The following BICRA variants were observed in gnomAD, a reference collection of about 807,000 sequenced individuals.
The protein encoded by BICRA is BRD4-interacting chromatin-remodeling complex-associated protein.
In BICRA, 31 loss-of-function variants were observed where a neutral mutation model predicts 96.9. The observed-to-expected ratio is 0.32, with a 90% CI of 0.24 to 0.43. The LOEUF (loss-of-function observed/expected upper bound fraction) is 0.43. Ranked by LOEUF, BICRA falls within the 20% of genes least tolerant of loss-of-function variation. The probability of loss-of-function intolerance (pLI) is 1.00; values close to 1 mark genes in which losing one functional copy is unlikely to be tolerated. For missense variants in BICRA, 2,283 were observed against 2,190.3 expected (o/e 1.04, Z -0.84); for synonymous variants, 1,350 against 1,071.8 (o/e 1.26, Z -5.07).
chr19:47,680,279 C>T lies in BICRA; in HGVS notation c.1109C>T (p.Pro370Leu). The change falls in exon 6 of 15, where the codon CCG becomes CTG. Residue 370 changes from proline to leucine, a missense_variant. Transcript: ENST00000594866. ...PPKLYQLTPK[P>L]FAPAGATLTI... ...AAGCTCTACCAGCTGACGCCCAAGC[C>T]GTTTGCGCCCGCGGGCGCCACGCTC... The T allele has an allele frequency of 1.9e-6, 3 of 1,559,058 alleles. No homozygotes were observed. Among genetic ancestry groups the T allele is most frequent in the Non-Finnish European group, 2.6e-6 (3 of 1,161,326 alleles).
At position 47,699,118 on chromosome 19, in the gene BICRA, T is replaced by G; in HGVS notation, c.3492+59T>G. ...TCCTCCTCGCTGGGACACTGCCCCTTTCCCTCACCCGCTCTGGGCAAGGTG... is the reference window on the plus strand; with the variant it reads ...TCCTCCTCGCTGGGACACTGCCCCTGTCCCTCACCCGCTCTGGGCAAGGTG... On this transcript the variant is annotated intron_variant, in intron 13 of 14. Coordinates refer to ENST00000594866, the MANE Select transcript of BICRA (RefSeq NM_001394372.1). The surrounding 1 kb of genome is among the most constrained non-coding windows in gnomAD (Gnocchi z 5.0). 1.6e-6 allele frequency: 2 copies of G among 1,216,426 alleles called. No individual in the cohort carries two copies. The highest frequency in any genetic ancestry group is 2.4e-6 in the Non-Finnish European group (2 of 846,104). The allele number at this position is 1,216,426 out of a possible 1,614,324, so 75.4% of individuals were successfully genotyped here. A position where few individuals can be genotyped will look rare whatever the true frequency, so the allele number is the denominator to read the frequency against.
chr19:47,685,369 G>A (rs1307720990), intron 7 of BICRA, among the ~76,000 whole-genome samples: 2 of 152,270 alleles, frequency 1.3e-5, no homozygotes, highest in African/African-American at 4.8e-5. Flanking sequence ...ACAGAGGCTC[G>A]GAGGCACAAG....
intron 1 of BICRA, among the ~76,000 whole-genome samples, chr19:47,642,960 G>T (rs1391536729): frequency 1.3e-5 from 2 of 152,156 alleles, no homozygotes; most frequent in Non-Finnish European, 2.9e-5. Flanking sequence ...ACCTTCTTTT[G>T]CTCATTTTAA....
intron 5 of BICRA, among the ~76,000 whole-genome samples, chr19:47,677,267 G>A (rs1477959444): frequency 6.6e-6 from 1 of 152,214 alleles, no homozygotes; most frequent in Non-Finnish European, 1.5e-5. Context: ...AGATTTTGAT[G>A]GGTTATCTGG....
chr19:47,653,275 G>A (rs928073776), intron 1 of BICRA, among the ~76,000 whole-genome samples: 1 of 151,230 alleles, frequency 6.6e-6, no homozygotes, highest in African/African-American at 2.4e-5. Flanking sequence ...CGCCTGCCTC[G>A]GCCTCCCAAA....
At chr19:47,679,044 G>A in intron 5 of BICRA, 1 of 300,190 alleles carries the variant, frequency 3.3e-6, no homozygotes, top group Non-Finnish European at 6.1e-6. Flanking sequence ...AAGACCACAG[G>A]CACATGCTGC....
At chr19:47,626,309 G>T (rs1166910538) in intron 1 of BICRA, 2 of 152,264 alleles carry the variant, frequency 1.3e-5, no homozygotes, top group African/African-American at 4.8e-5. Flanking sequence ...TAAGTGACTT[G>T]CCCAGAGCCC....
chr19:47,684,590 G>C (rs1469044594), intron 7 of BICRA, among the ~76,000 whole-genome samples: 2 of 152,196 alleles, frequency 1.3e-5, no homozygotes, highest in African/African-American at 4.8e-5. Context: ...AGAGTGCTGG[G>C]ATGACAGGTG....
chr19:47,615,345 C>A (rs867999698), intron 1 of BICRA, among the ~76,000 whole-genome samples: 6 of 152,234 alleles, frequency 3.9e-5, no homozygotes, highest in African/African-American at 1.2e-4. Context: ...TCCCACCTGT[C>A]GCCCAGGCAG....
chr19:47,616,005 C>G (rs1184857603), intron 1 of BICRA: 1 of 152,318 alleles, frequency 6.6e-6, no homozygotes, highest in Non-Finnish European at 1.5e-5. Context: ...CTGAAAGGTC[C>G]CCATTGTCTT....
chr19:47,644,834 T>C (rs1368832526), intron 1 of BICRA, among the ~76,000 whole-genome samples: 1 of 152,168 alleles, frequency 6.6e-6, no homozygotes, highest in Non-Finnish European at 1.5e-5. Context: ...TACAGGCCAG[T>C]AGAGCAAAAG....
chr19:47,634,043 C>T (rs891176805), intron 1 of BICRA, among the ~76,000 whole-genome samples: 1 of 152,228 alleles, frequency 6.6e-6, no homozygotes, highest in Non-Finnish European at 1.5e-5. Flanking sequence ...TTCCGTTTCC[C>T]CCTCTTCATA....
chr19:47,675,774 C>A lies in BICRA; in HGVS notation c.85-77C>A. ...CCCTTGTCTTTTTGTCCTGAGTGACCCTAAATTGGTTTCTGCTCCAGAGCA... is the reference window on the plus strand; with the variant it reads ...CCCTTGTCTTTTTGTCCTGAGTGACACTAAATTGGTTTCTGCTCCAGAGCA... On this transcript the variant is annotated intron_variant, in intron 4 of 14. Transcript: ENST00000594866. The surrounding 1 kb of genome is among the most constrained non-coding windows in gnomAD (Gnocchi z 4.7). The A allele has an allele frequency of 9.1e-7, 1 of 1,102,606 alleles. No individual in the cohort carries two copies. The highest frequency in any genetic ancestry group is 1.3e-5 in the South Asian group (1 of 75,606). 68.3% of individuals were successfully genotyped at this position (1,102,606 alleles called of 1,614,324 possible).
intron 1 of BICRA, among the ~76,000 whole-genome samples, chr19:47,648,434 C>T (rs1200894310): frequency 6.6e-6 from 1 of 151,888 alleles, no homozygotes; most frequent in African/African-American, 2.4e-5. Flanking sequence ...ACCTGGAGCT[C>T]ACCACTCTTG....
intron 1 of BICRA, among the ~76,000 whole-genome samples, chr19:47,619,567 T>C (rs1344810086): frequency 6.8e-6 from 1 of 147,002 alleles, no homozygotes; most frequent in East Asian, 2.3e-4. Context: ...CCTCTCCCAA[T>C]CCTTTTTCAT....
intron 1 of BICRA, among the ~76,000 whole-genome samples, chr19:47,661,208 C>G (rs1265361862): frequency 7.2e-5 from 1 of 13,850 alleles, no homozygotes; most frequent in South Asian, 3.1e-3. Flanking sequence ...AGCGAGACTC[C>G]GTCTCAAAAA....
At chr19:47,691,357 C>T in intron 7 of BICRA, among the ~76,000 whole-genome samples, 1 of 152,132 alleles carries the variant, frequency 6.6e-6, no homozygotes, top group East Asian at 1.9e-4. Context: ...TTCTATTGGC[C>T]ACAAAGACCA....
rs1972822588 is a variant in BICRA at position 47,668,871 on chromosome 19, A to G, written c.-107-1572A>G. On this transcript the variant is annotated intron_variant, in intron 1 of 14. Transcript: ENST00000594866. ...GCAGTGGCTCACTCCTGTAATCCCA[A>G]CACTCTGGGAGGCCGAGGTGGGTGG... Among the ~76,000 whole-genome samples the G allele has an allele frequency of 2.7e-5, 4 of 149,446 alleles. No homozygotes were observed. In the South Asian group the frequency reaches 8.6e-4, roughly 32 times the overall value.
Position 47,699,402 on chromosome 19 carries a change from C to T in BICRA, c.3592C>T (p.Pro1198Ser). 1 of 1,540,888 alleles carries T rather than the reference C, an allele frequency of 6.5e-7. No individual in the cohort carries two copies. Among genetic ancestry groups the T allele is most frequent in the Admixed American group, 1.9e-5 (1 of 51,552 alleles). The change falls in exon 14 of 15, where the codon CCG (proline) becomes TCG (serine). Residue 1198 changes from proline to serine, a missense_variant. Transcript: ENST00000594866. The surrounding 1 kb of genome is among the most constrained non-coding windows in gnomAD (Gnocchi z 5.0). Reference protein sequence around the residue: ...ALDKQLAKEKPDEYVSSSRSL... With the variant: ...ALDKQLAKEKSDEYVSSSRSL... ...GGATAAACAGCTGGCCAAGGAGAAG[C>T]CGGGTGAGAGGGGGGAGTGAGAGGG...
Sources: allele counts gnomAD v4.1 joint callset (sites outside exome capture counted in the v4.1 genomes callset), GRCh38; gene constraint gnomAD v4.1.1; non-coding constraint Gnocchi (gnomAD v3.1); transcripts MANE v1.5; gene names NCBI Gene and HGNC (gene_info 2026-07-23, HGNC 2026-07-21).